The following MAN1A1 variants were observed in gnomAD, a reference collection of about 807,000 sequenced individuals.
The protein encoded by MAN1A1 is mannosyl-oligosaccharide 1,2-alpha-mannosidase IA.
A neutral mutation model predicts 70.8 loss-of-function variants in MAN1A1; 29 were observed. The ratio of observed to expected loss-of-function variants is 0.41; its 90% CI spans 0.31 to 0.56. MAN1A1 has a LOEUF of 0.56. MAN1A1 is among the 20% of genes least tolerant of loss of function. MAN1A1 has a pLI of 0.29. For synonymous variants in MAN1A1, 349 were observed against 330.1 expected (o/e 1.06, Z -0.62); for missense variants, 747 against 841.3 (o/e 0.89, Z 1.39).
intron 6 of MAN1A1, among the ~76,000 whole-genome samples, chr6:119,225,073 G>C (rs1273396248): frequency 7.9e-5 from 12 of 152,254 alleles, no homozygotes; most frequent in African/African-American, 2.6e-4. Flanking sequence ...GTTGCAGGGA[G>C]GCAGAGGTTG....
chr6:119,248,223 C>T (rs1562209720), intron 6 of MAN1A1, 37 bp downstream of exon 6: 4 of 1,350,880 alleles, frequency 3.0e-6, no homozygotes, highest in African/African-American at 1.4e-5. Flanking sequence ...TGGAATATTT[C>T]ACCTTAAAAC....
intron 2 of MAN1A1, among the ~76,000 whole-genome samples, chr6:119,331,216 C>G (rs772092916): frequency 1.3e-5 from 2 of 152,154 alleles, no homozygotes; most frequent in Non-Finnish European, 2.9e-5. Flanking sequence ...CTATATACAA[C>G]TTGACTGTCA....
At chr6:119,312,456 C>T (rs1017224233) in intron 2 of MAN1A1, among the ~76,000 whole-genome samples, 1 of 152,156 alleles carries the variant, frequency 6.6e-6, no homozygotes, top group Non-Finnish European at 1.5e-5. Context: ...AATTAATTCA[C>T]AATTTCTCCA....
Position 119,188,587 on chromosome 6 carries a change from A to G in MAN1A1, c.1547-10T>C, listed in dbSNP as rs1055592171. The G allele has an allele frequency of 6.2e-7, 1 of 1,609,292 alleles. No individual in the cohort carries two copies. The stretch of plus-strand genomic sequence containing the variant: ...GGTCCCAGTTTCATAACTAAAGGAC[A>G]TGGAATGAATGAATAAGGGTTATTT... On this transcript the variant is annotated splice_polypyrimidine_tract_variant and intron_variant, in intron 10 of 12. Transcript: ENST00000368468.
chr6:119,293,329 CTATT>C (rs1772101335), intron 4 of MAN1A1, among the ~76,000 whole-genome samples: 1 of 152,064 alleles, frequency 6.6e-6, no homozygotes, highest in African/African-American at 2.4e-5. Flanking sequence ...AACCTAAATT[CTATT>C]TATCTTGTAC....
chr6:119,318,105 C>CTGGT (rs1582799154), intron 2 of MAN1A1, among the ~76,000 whole-genome samples: 1 of 152,242 alleles, frequency 6.6e-6, no homozygotes, highest in East Asian at 1.9e-4. Context: ...ACCAGAAATG[C>CTGGT]TGGTTCCTAA....
Position 119,178,761 on chromosome 6 carries a change from C to A in MAN1A1, c.*1058G>T, listed in dbSNP as rs1041993383. On this transcript the variant is annotated 3_prime_UTR_variant, in exon 13 of 13. Coordinates refer to ENST00000368468, the MANE Select transcript of MAN1A1 (RefSeq NM_005907.4). The stretch of plus-strand genomic sequence containing the variant: ...CGAATAAGTAAAATTGGCAAAGCTT[C>A]TTTCAGAGTCAAATCCTGCTTTCAC... 3 of 152,054 alleles carry A rather than the reference C, an allele frequency of 2.0e-5. No homozygotes were observed. The highest frequency in any genetic ancestry group is 7.2e-5 in the African/African-American group (3 of 41,418). The allele number at this position is 152,054 out of a possible 1,614,324, so 9.4% of individuals were successfully genotyped here.
chr6:119,306,746 T>A (rs1034292438), intron 3 of MAN1A1, 150 bp downstream of exon 3: 7 of 643,908 alleles, frequency 1.1e-5, no homozygotes, highest in Admixed American at 2.4e-5. Context: ...GGACACACTA[T>A]GCACAATCCT....
intron 5 of MAN1A1, among the ~76,000 whole-genome samples, chr6:119,257,141 T>C (rs537341624): frequency 5.3e-4 from 80 of 152,240 alleles, no homozygotes; most frequent in African/African-American, 1.9e-3. Flanking sequence ...TACATGTTTG[T>C]GTATGTGCTC....
chr6:119,187,402 T>C (rs1296215977), intron 11 of MAN1A1, among the ~76,000 whole-genome samples: 1 of 152,190 alleles, frequency 6.6e-6, no homozygotes, highest in Non-Finnish European at 1.5e-5. Context: ...GAAATTACAA[T>C]GACTACTGAT....
chr6:119,338,573 T>C (rs1773523201), intron 2 of MAN1A1, among the ~76,000 whole-genome samples: 3 of 152,230 alleles, frequency 2.0e-5, no homozygotes, highest in Admixed American at 2.0e-4. Flanking sequence ...TCTGGCATCA[T>C]TAAAATCACT....
At chr6:119,226,643 A>C (rs1056346190) in intron 6 of MAN1A1, among the ~76,000 whole-genome samples, 8 of 152,152 alleles carry the variant, frequency 5.3e-5, no homozygotes, top group African/African-American at 1.9e-4. Context: ...GAATATATAA[A>C]ATGTTCATAT....
At chr6:119,299,934 G>A (rs1442978435) in intron 4 of MAN1A1, among the ~76,000 whole-genome samples, 3 of 152,138 alleles carry the variant, frequency 2.0e-5, no homozygotes, top group Non-Finnish European at 4.4e-5. Flanking sequence ...GACTACCACA[G>A]GTTGCACAGG....
intron 11 of MAN1A1, among the ~76,000 whole-genome samples, chr6:119,183,553 T>G (rs1054275255): frequency 6.6e-6 from 1 of 152,214 alleles, no homozygotes; most frequent in East Asian, 1.9e-4. Flanking sequence ...AAACAGATTT[T>G]AATCCCAAAA....
intron 4 of MAN1A1, among the ~76,000 whole-genome samples, chr6:119,299,121 A>G (rs1463072723): frequency 6.6e-6 from 1 of 152,052 alleles, no homozygotes; most frequent in Non-Finnish European, 1.5e-5. Context: ...TTTTAAAAAT[A>G]ATCATTTGGA....
chr6:119,344,093 T>G (rs550569455), intron 2 of MAN1A1, among the ~76,000 whole-genome samples: 11 of 152,318 alleles, frequency 7.2e-5, no homozygotes, highest in African/African-American at 2.6e-4. Context: ...TGTGTAATAC[T>G]AAGATAAATT....
chr6:119,290,489 T>C (rs929831550), intron 5 of MAN1A1, among the ~76,000 whole-genome samples, 194 bp downstream of exon 5: 1 of 152,034 alleles, frequency 6.6e-6, no homozygotes, highest in Admixed American at 6.6e-5. Context: ...CCTGACAATA[T>C]GTTCTGCCAA....
chr6:119,350,495 C>T, upstream of MAN1A1: 1 of 984,820 alleles, frequency 1.0e-6, no homozygotes, highest in Non-Finnish European at 1.2e-6. Context: ...GTATGTCTCT[C>T]CCGCCCACCC....
rs748863526 is a variant in MAN1A1, at chr6:119,189,655, T to G, written c.1546+9A>C. On this transcript the variant is annotated intron_variant, in intron 10 of 12. Transcript: ENST00000368468. The stretch of plus-strand genomic sequence containing the variant: ...AATAGACCATAAATGAAGAATAACA[T>G]GTACTCACATGTTCGATTATATGAT... 4 of 1,612,528 alleles carry G rather than the reference T, an allele frequency of 2.5e-6. No individual in the cohort carries two copies. The Admixed American group carries it at 6.7e-5, about 27-fold the overall frequency.
Sources: allele counts gnomAD v4.1 joint callset (sites outside exome capture counted in the v4.1 genomes callset), GRCh38; gene constraint gnomAD v4.1.1; transcripts MANE v1.5; gene names NCBI Gene and HGNC (gene_info 2026-07-23, HGNC 2026-07-21).